ANGPT1: variants seen among roughly 807,000 people sequenced by gnomAD.
ANGPT1 encodes the protein angiopoietin-1.
A neutral mutation model predicts 62.2 loss-of-function variants in ANGPT1; 17 were observed. The observed-to-expected ratio is 0.27, with a 90% CI of 0.19 to 0.41. ANGPT1 has a LOEUF of 0.41. ANGPT1 is among the 10% of genes least tolerant of loss of function. The probability of loss-of-function intolerance (pLI) is 1.00; values close to 1 mark genes in which losing one functional copy is unlikely to be tolerated. For missense variants in ANGPT1, 478 were observed against 594.9 expected (o/e 0.80, Z 2.04); for synonymous variants, 199 against 198.9 (o/e 1.00, Z 0.00).
intron 4 of ANGPT1, among the ~76,000 whole-genome samples, chr8:107,304,083 A>G (rs1377280173): frequency 6.6e-6 from 1 of 151,938 alleles, no homozygotes; most frequent in Non-Finnish European, 1.5e-5. Context: ...ATACACAAAT[A>G]AAAGAACAAA....
intron 1 of ANGPT1, 30 bp downstream of exon 1, chr8:107,497,232 T>C (rs763966034): frequency 2.5e-6 from 4 of 1,605,772 alleles, no homozygotes; most frequent in Non-Finnish European, 3.4e-6. Context: ...AAAAGGTCCG[T>C]GCTATTAGAA....
rs528486331 is a variant in ANGPT1 at position 107,250,702 on chromosome 8, T to C, written c.*1153A>G. The C allele has an allele frequency of 1.3e-5, 2 of 152,242 alleles. No homozygotes were observed. Among genetic ancestry groups the C allele is most frequent in the South Asian group, 4.1e-4 (2 of 4,828 alleles). The allele number at this position is 152,242 out of a possible 1,614,324, so 9.4% of individuals were successfully genotyped here. A position where few individuals can be genotyped will look rare whatever the true frequency, so the allele number is the denominator to read the frequency against. On this transcript the variant is annotated 3_prime_UTR_variant, in exon 9 of 9. Transcript: ENST00000517746. ...ATGATATTTATAATTATTTTATTTT[T>C]TATAGACTTCAAAGTGTTTCTTTTA...
intron 3 of ANGPT1, among the ~76,000 whole-genome samples, chr8:107,327,394 T>C (rs1026303734): frequency 6.6e-6 from 1 of 152,032 alleles, no homozygotes; most frequent in African/African-American, 2.4e-5. Flanking sequence ...TAAAGTTAGA[T>C]AGTCAAAGTA....
At chr8:107,341,265 A>G (rs1173655531) in intron 2 of ANGPT1, among the ~76,000 whole-genome samples, 1 of 152,214 alleles carries the variant, frequency 6.6e-6, no homozygotes, top group Non-Finnish European at 1.5e-5. Flanking sequence ...CTCAACTTCC[A>G]GTTTACAGAA....
intron 1 of ANGPT1, among the ~76,000 whole-genome samples, chr8:107,422,881 T>C (rs1810928367): frequency 6.6e-6 from 1 of 152,184 alleles, no homozygotes; most frequent in South Asian, 2.1e-4. Flanking sequence ...CAGGTCTAAA[T>C]GATACGTGAA....
chr8:107,401,660 T>C (rs1817049678), intron 1 of ANGPT1, among the ~76,000 whole-genome samples: 1 of 152,254 alleles, frequency 6.6e-6, no homozygotes, highest in Non-Finnish European at 1.5e-5. Context: ...TAAGTTCAAC[T>C]GTCCTTTGAT....
At chr8:107,491,404 C>T (rs1353058397) in intron 1 of ANGPT1, among the ~76,000 whole-genome samples, 2 of 152,024 alleles carry the variant, frequency 1.3e-5, no homozygotes, top group Non-Finnish European at 2.9e-5. Flanking sequence ...ATAAGTAACA[C>T]AGCATTATGC....
intron 4 of ANGPT1, among the ~76,000 whole-genome samples, chr8:107,320,238 G>A (rs764017431): frequency 4.6e-5 from 7 of 152,052 alleles, no homozygotes; most frequent in East Asian, 1.9e-4. Flanking sequence ...TAGCCAGAAT[G>A]TTTACTTCTA....
intron 3 of ANGPT1, among the ~76,000 whole-genome samples, chr8:107,327,963 G>A (rs974463487): frequency 3.3e-5 from 5 of 151,940 alleles, no homozygotes; most frequent in African/African-American, 1.2e-4. Context: ...TCAAATCATT[G>A]AACATATCTT....
intron 1 of ANGPT1, among the ~76,000 whole-genome samples, chr8:107,400,920 G>A (rs1817035335): frequency 6.6e-6 from 1 of 151,900 alleles, no homozygotes; most frequent in Non-Finnish European, 1.5e-5. Flanking sequence ...GCTAGGAAAT[G>A]GCTTATCGGC....
intron 1 of ANGPT1, among the ~76,000 whole-genome samples, chr8:107,475,911 C>T (rs939613894): frequency 4.0e-5 from 6 of 151,598 alleles, no homozygotes; most frequent in East Asian, 3.9e-4. Context: ...AGTTAGAATT[C>T]GATCATTAAA....
Position 107,497,885 on chromosome 8 carries a change from C to T in ANGPT1, c.-327G>A. 1 of 484,146 alleles carries T rather than the reference C, an allele frequency of 2.1e-6. No individual in the cohort carries two copies. The allele number at this position is 484,146 out of a possible 1,614,324, so 30.0% of individuals were successfully genotyped here. ...GTCAGCTGCGTGTACATATTCTAGA[C>T]CCTTTCCTCTACCCTATCTGCTGCA... is the stretch of plus-strand genomic sequence containing the variant. On this transcript the variant is annotated 5_prime_UTR_variant, in exon 1 of 9. Transcript: ENST00000517746.
rs561870543 is a variant in ANGPT1, at chr8:107,474,647, C to T, written c.297+22615G>A. Among the ~76,000 whole-genome samples the T allele has an allele frequency of 6.6e-5, 10 of 152,184 alleles. No individual in the cohort carries two copies. In the East Asian group the frequency reaches 1.7e-3, roughly 26 times the overall value. ...TTGGGAAAAGAGAAGTCAAATTGTC[C>T]GTGTTTGCAGATGACATGATTGGAT... On this transcript the variant is annotated intron_variant, in intron 1 of 8. Coordinates refer to ENST00000517746, the MANE Select transcript of ANGPT1 (RefSeq NM_001146.5).
At chr8:107,366,991 A>G (rs1294928628) in intron 1 of ANGPT1, among the ~76,000 whole-genome samples, 1 of 152,104 alleles carries the variant, frequency 6.6e-6, no homozygotes, top group African/African-American at 2.4e-5. Context: ...TTCCAACAAC[A>G]ACGGGGGAAT....
intron 5 of ANGPT1, among the ~76,000 whole-genome samples, chr8:107,298,035 T>C (rs1489643109): frequency 6.6e-6 from 1 of 151,896 alleles, no homozygotes; most frequent in Non-Finnish European, 1.5e-5. Context: ...ACTATGCCTA[T>C]TGCATTTATT....
intron 4 of ANGPT1, among the ~76,000 whole-genome samples, chr8:107,311,580 TATGTC>T (rs1387101964): frequency 1.3e-5 from 2 of 152,354 alleles, no homozygotes; most frequent in Middle Eastern, 3.4e-3. Flanking sequence ...CAAAGCATCC[TATGTC>T]ATAAGTGTAG....
intron 1 of ANGPT1, among the ~76,000 whole-genome samples, chr8:107,367,781 G>A (rs1228341509): frequency 6.6e-6 from 1 of 152,186 alleles, no homozygotes; most frequent in Non-Finnish European, 1.5e-5. Flanking sequence ...TCCATAAGAA[G>A]CAACTCCTCA....
At chr8:107,400,288 T>C (rs567607426) in intron 1 of ANGPT1, among the ~76,000 whole-genome samples, 1 of 152,316 alleles carries the variant, frequency 6.6e-6, no homozygotes, top group South Asian at 2.1e-4. Context: ...AATTCAATAG[T>C]ACTTTTTCTG....
intron 5 of ANGPT1, among the ~76,000 whole-genome samples, chr8:107,297,726 C>T (rs1371225843): frequency 6.7e-6 from 1 of 149,886 alleles, no homozygotes; most frequent in Non-Finnish European, 1.5e-5. Flanking sequence ...TTTGAGCATG[C>T]CACCTTTCTA....
Sources: allele counts gnomAD v4.1 joint callset (sites outside exome capture counted in the v4.1 genomes callset), GRCh38; gene constraint gnomAD v4.1.1; transcripts MANE v1.5; gene names NCBI Gene and HGNC (gene_info 2026-07-23, HGNC 2026-07-21).